TEPSIN: variants seen among roughly 807,000 people sequenced by gnomAD.
TEPSIN encodes TEPSIN adaptor related protein complex 4 accessory protein.
TEPSIN carries 50 observed loss-of-function variants against 48.5 expected under a neutral mutation model. The ratio of observed to expected loss-of-function variants is 1.03; its 90% confidence interval spans 0.82 to 1.31. TEPSIN has a LOEUF of 1.31. TEPSIN is among the 50% of genes most tolerant of loss of function. The pLI, the probability that TEPSIN is intolerant of heterozygous loss-of-function variation, is 0.00. For missense variants in TEPSIN, 838 were observed against 815.9 expected, an observed-to-expected ratio of 1.03 and a Z score of -0.33; for synonymous variants, 392 against 358.8, an observed-to-expected ratio of 1.09 and a Z score of -1.05.
At position 81,233,272 on chromosome 17, in the gene TEPSIN, A is replaced by C; in HGVS notation, c.526+160T>G. The C allele has an allele frequency of 1.2e-6, 1 of 825,392 alleles. No homozygotes were observed. The highest frequency in any genetic ancestry group is 1.8e-6 in the Non-Finnish European group (1 of 541,310). The allele number at this position is 825,392 out of a possible 1,614,324, so 51.1% of individuals were successfully genotyped here. The stretch of plus-strand genomic sequence containing the variant: ...CTGCCCCACCCCCACGTCAGCAGCC[A>C]GAGAGAGACAGTGGGGACAGCCCCA... On this transcript the variant is annotated intron_variant, in intron 7 of 12. Coordinates refer to ENST00000637944, the MANE Select transcript of TEPSIN (RefSeq NM_001363764.2). The surrounding 1 kb of genome is among the most constrained non-coding windows in gnomAD (Gnocchi z 5.8).
In TEPSIN at chr17:81,233,363, C is replaced by G; in HGVS notation, c.526+69G>C. The G allele has an allele frequency of 6.4e-7, 1 of 1,555,860 alleles. No individual in the cohort carries two copies. The highest frequency in any genetic ancestry group is 1.4e-5 in the African/African-American group (1 of 74,044). On this transcript the variant is annotated intron_variant, in intron 7 of 12. Coordinates refer to ENST00000637944, the MANE Select transcript of TEPSIN (RefSeq NM_001363764.2). The surrounding 1 kb of genome is among the most constrained non-coding windows in gnomAD (Gnocchi z 5.8). ...CAGCTACTAGATGGGGCGGCATGGT[C>G]CGGCCCCCACCACCTCCTCATCCCC... is the stretch of plus-strand genomic sequence containing the variant.
At position 81,234,041 on chromosome 17, in the gene TEPSIN, T is replaced by C. The variant is rs1297188828; in HGVS notation, c.315A>G (p.Ala105=). 9 of 1,590,456 alleles carry C rather than the reference T, an allele frequency of 5.7e-6. No homozygotes were observed. In the South Asian group the frequency reaches 1.0e-4, roughly 18 times the overall value. Residue 105 remains alanine, a synonymous_variant, in exon 5 of 13, where the codon GCA becomes GCG. Coordinates refer to ENST00000637944, the MANE Select transcript of TEPSIN (RefSeq NM_001363764.2). This position sits in a 1 kb window ranked among gnomAD's most constrained non-coding sequence, Gnocchi z 5.4. ...TCCCGTGCAGAGGATCTGGGGGCCC[T>C]GCAAAAGCTGCAGAACAGAAAAGGC... ...SAFIQEAAAF[A]GPPDPLHGNS...
At chr17:81,238,915 G>A in intron 1 of TEPSIN, 71 bp downstream of exon 1, 1 of 1,391,412 alleles carries the variant, frequency 7.2e-7, no homozygotes. Flanking sequence ...TCCGGCCCGG[G>A]GCGAGTCCGG....
chr17:81,230,745 G>T lies in TEPSIN; in HGVS notation c.1099-67C>A. The T allele has an allele frequency of 6.9e-7, 1 of 1,454,618 alleles. No individual in the cohort carries two copies. Among genetic ancestry groups the T allele is most frequent in the South Asian group, 1.4e-5 (1 of 69,008 alleles). The allele number at this position is 1,454,618 out of a possible 1,614,324, so 90.1% of individuals were successfully genotyped here. A position where few individuals can be genotyped will look rare whatever the true frequency, so the allele number is the denominator to read the frequency against. On this transcript the variant is annotated intron_variant, in intron 11 of 12. Transcript: ENST00000637944. This position sits in a 1 kb window ranked among gnomAD's most constrained non-coding sequence, Gnocchi z 4.2. Reference sequence around the variant, plus strand: ...AGGTCCACGCCAGGGAGGCCTATTTGGCCATCTCTCTCCCTCTTCTTCCTC... The same window carrying T: ...AGGTCCACGCCAGGGAGGCCTATTTTGCCATCTCTCTCCCTCTTCTTCCTC...
intron 7 of TEPSIN, 140 bp from the exon 8 acceptor site, chr17:81,232,658 G>T: frequency 1.3e-6 from 1 of 749,634 alleles, no homozygotes; most frequent in Non-Finnish European, 2.1e-6. Flanking sequence ...AGGCCTCCTG[G>T]TGGGCCCCAG....
rs113906629 is a variant in TEPSIN, at chr17:81,232,517, G to T, written c.528C>A (p.Gly176=). ...FGYSKEHGRT[G]SAGEAFLSTI... is the part of the protein sequence containing the mutation. ...TGGAGAGGAAGGCTTCGCCTGCCGA[G>T]CCTGTACCCGAGGAGAGGGAGATGG... is the stretch of plus-strand genomic sequence containing the variant. Residue 176 remains glycine (G), a splice_region_variant and synonymous_variant, in exon 8 of 13, where the codon GGC becomes GGA. Coordinates refer to ENST00000637944, the MANE Select transcript of TEPSIN (RefSeq NM_001363764.2). The T allele has an allele frequency of 6.5e-7, 1 of 1,530,552 alleles. No homozygotes were observed. Among genetic ancestry groups the T allele is most frequent in the Middle Eastern group, 2.2e-4 (1 of 4,644 alleles). 94.8% of individuals were successfully genotyped at this position (1,530,552 alleles called of 1,614,324 possible). A position where few individuals can be genotyped will look rare whatever the true frequency, so the allele number is the denominator to read the frequency against.
At chr17:81,236,590 G>T in intron 4 of TEPSIN, 118 bp downstream of exon 4, 1 of 1,057,800 alleles carries the variant, frequency 9.5e-7, no homozygotes, top group Non-Finnish European at 1.4e-6. Context: ...CTTTGATCGG[G>T]ACCCGGCCCA....
At position 81,230,682 on chromosome 17, in the gene TEPSIN, C is replaced by T. The variant is rs759702700; in HGVS notation, c.1099-4G>A. 7.2e-6 allele frequency: 11 copies of T among 1,535,942 alleles called. No individual in the cohort carries two copies. The highest frequency in any genetic ancestry group is 2.4e-5 in the East Asian group (1 of 41,544). On this transcript the variant is annotated splice_polypyrimidine_tract_variant and splice_region_variant and intron_variant, in intron 11 of 12. Coordinates refer to ENST00000637944, the MANE Select transcript of TEPSIN (RefSeq NM_001363764.2). The surrounding 1 kb of genome is among the most constrained non-coding windows in gnomAD (Gnocchi z 4.2). ...AGGCGATGGCACACAGCGCCCTCTG[C>T]GGGTGAAGGGAGGGGACATCAGCAC...
rs1218417185 is a variant in TEPSIN, at chr17:81,230,589, C to A, written c.1188G>T (p.Glu396Asp). The A allele has an allele frequency of 6.2e-7, 1 of 1,611,276 alleles. No homozygotes were observed. Among genetic ancestry groups the A allele is most frequent in the Admixed American group, 1.7e-5 (1 of 59,816 alleles). ...ILLRTRPWLQ[E>D]LSMGSPGPVT... ...CAGGTCCCGGGCTGCCCATGCTGAG[C>A]TCCTGCAGCCACGGCCGGGTGCGGA... Residue 396 changes from glutamate to aspartate, a missense_variant, in exon 12 of 13, where the codon GAG becomes GAT. Coordinates refer to ENST00000637944, the MANE Select transcript of TEPSIN (RefSeq NM_001363764.2). This position sits in a 1 kb window ranked among gnomAD's most constrained non-coding sequence, Gnocchi z 4.2.
At position 81,230,681 on chromosome 17, in the gene TEPSIN, G is replaced by A; in HGVS notation, c.1099-3C>T. The A allele has an allele frequency of 1.9e-6, 3 of 1,538,460 alleles. No homozygotes were observed. Among genetic ancestry groups the A allele is most frequent in the Non-Finnish European group, 2.6e-6 (3 of 1,140,112 alleles). On this transcript the variant is annotated splice_polypyrimidine_tract_variant and splice_region_variant and intron_variant, in intron 11 of 12. Coordinates refer to ENST00000637944, the MANE Select transcript of TEPSIN (RefSeq NM_001363764.2). This position sits in a 1 kb window ranked among gnomAD's most constrained non-coding sequence, Gnocchi z 4.2. Reference sequence around the variant, plus strand: ...GAGGCGATGGCACACAGCGCCCTCTGCGGGTGAAGGGAGGGGACATCAGCA... The same window carrying A: ...GAGGCGATGGCACACAGCGCCCTCTACGGGTGAAGGGAGGGGACATCAGCA...
rs978939176 is a variant in TEPSIN, at chr17:81,234,498, A to G, written c.308-450T>C. ...CTCCCCTGCTCTGAGAGTTCCTGTC[A>G]TGATGAACTGGGGCTTCTTTCCTTA... On this transcript the variant is annotated intron_variant, in intron 4 of 12. Coordinates refer to ENST00000637944, the MANE Select transcript of TEPSIN (RefSeq NM_001363764.2). The surrounding 1 kb of genome is among the most constrained non-coding windows in gnomAD (Gnocchi z 5.4). Among the ~76,000 whole-genome samples, 2 of 152,068 alleles carry G rather than the reference A, an allele frequency of 1.3e-5. No homozygotes were observed. The highest frequency in any genetic ancestry group is 4.8e-5 in the African/African-American group (2 of 41,386).
rs1354793919 is a variant in TEPSIN, at chr17:81,236,740, T to A, written c.275A>T (p.Lys92Ile). The change falls in exon 4 of 13, where the codon AAA becomes ATA. Residue 92 changes from lysine to isoleucine, a missense_variant. Coordinates refer to ENST00000637944, the MANE Select transcript of TEPSIN (RefSeq NM_001363764.2). ...HGSSFFLLIL[K>I]RNSAFIQEAA... is the part of the protein sequence containing the mutation. Reference sequence around the variant, plus strand: ...TTCCTGGATGAAGGCAGAGTTGCGTTTGAGGATGAGCAGGAAGAAGGAGGA... The same window carrying A: ...TTCCTGGATGAAGGCAGAGTTGCGTATGAGGATGAGCAGGAAGAAGGAGGA... 1 of 1,573,002 alleles carries A rather than the reference T, an allele frequency of 6.4e-7. No individual in the cohort carries two copies. Among genetic ancestry groups the A allele is most frequent in the East Asian group, 2.4e-5 (1 of 42,322 alleles).
chr17:81,230,538 GCC>G lies in TEPSIN; in HGVS notation c.1233+4_1233+5del, dbSNP rs1158182230. The G allele has an allele frequency of 6.2e-7, 1 of 1,611,062 alleles. No individual in the cohort carries two copies. Among genetic ancestry groups the G allele is most frequent in the Middle Eastern group, 1.9e-4 (1 of 5,382 alleles). On this transcript the variant is annotated splice_donor_5th_base_variant and intron_variant, in intron 12 of 12. Transcript: ENST00000637944. This position sits in a 1 kb window ranked among gnomAD's most constrained non-coding sequence, Gnocchi z 4.2. ...CGGTGTGCGTGTGGCCTCCGCAGCT[GCC>G]CACCTTGGTGGCCTTGTTGGTCACA...
chr17:81,235,666 C>T (rs1032839052), intron 4 of TEPSIN, among the ~76,000 whole-genome samples: 9 of 152,294 alleles, frequency 5.9e-5, no homozygotes, highest in Admixed American at 2.6e-4. Flanking sequence ...ACCACAGCCA[C>T]GGGAGTGGCC....
In TEPSIN at chr17:81,231,616, G is replaced by C. The variant is rs1441384419; in HGVS notation, c.981C>G (p.Ala327=). ...LVRTVTRGPR[A]FLSREEAQHF... is the part of the protein sequence containing the mutation. ...GCTGTGCCTCCTCGCGGCTCAGGAA[G>C]GCGCGTGGTCCCCGAGTCACAGTCC... Residue 327 remains alanine, a synonymous_variant, in exon 10 of 13, where the codon GCC becomes GCG. Coordinates refer to ENST00000637944, the MANE Select transcript of TEPSIN (RefSeq NM_001363764.2). 3 of 1,613,080 alleles carry C rather than the reference G, an allele frequency of 1.9e-6. No individual in the cohort carries two copies. Among genetic ancestry groups the C allele is most frequent in the African/African-American group, 2.7e-5 (2 of 74,918 alleles).
intron 1 of TEPSIN, chr17:81,237,932 G>A (rs2062754409): frequency 1.4e-5 from 14 of 992,938 alleles, no homozygotes; most frequent in Non-Finnish European, 1.7e-5. Flanking sequence ...CGCTCCCCGA[G>A]AACCGACTGA....
chr17:81,233,481 C>G lies in TEPSIN; in HGVS notation c.477G>C (p.Pro159=), dbSNP rs778856508. ...AGCCGAAACCCTGGAGGGTGCTGTGCGGCCTGGCCTGGGAGCCCATGCCTG... is the reference window on the plus strand; with the variant it reads ...AGCCGAAACCCTGGAGGGTGCTGTGGGGCCTGGCCTGGGAGCCCATGCCTG... ...PATGMGSQAR[P]HSTLQGFGYS... Residue 159 remains proline, a synonymous_variant, in exon 7 of 13, where the codon CCG becomes CCC. Transcript: ENST00000637944. The surrounding 1 kb of genome is among the most constrained non-coding windows in gnomAD (Gnocchi z 5.8). The G allele has an allele frequency of 5.0e-6, 8 of 1,606,722 alleles. No homozygotes were observed. Among genetic ancestry groups the G allele is most frequent in the South Asian group, 3.3e-5 (3 of 90,324 alleles).
Position 81,233,759 on chromosome 17 carries a change from C to T in TEPSIN, c.376-43G>A. On this transcript the variant is annotated intron_variant, in intron 5 of 12. Coordinates refer to ENST00000637944, the MANE Select transcript of TEPSIN (RefSeq NM_001363764.2). The surrounding 1 kb of genome is among the most constrained non-coding windows in gnomAD (Gnocchi z 5.8). ...GGCCCTCAGTGTCCTCACACCAGGGCCTGCTGTACTCACCCTGCCACCCAT... is the reference window on the plus strand; with the variant it reads ...GGCCCTCAGTGTCCTCACACCAGGGTCTGCTGTACTCACCCTGCCACCCAT... 6.5e-7 allele frequency: 1 copy of T among 1,537,864 alleles called. No individual in the cohort carries two copies. Among genetic ancestry groups the T allele is most frequent in the Non-Finnish European group, 8.8e-7 (1 of 1,138,572 alleles).
chr17:81,232,524 C>A lies in TEPSIN; in HGVS notation c.527-6G>T, dbSNP rs1198310130. 1 of 1,528,224 alleles carries A rather than the reference C, an allele frequency of 6.5e-7. No homozygotes were observed. Among genetic ancestry groups the A allele is most frequent in the East Asian group, 2.5e-5 (1 of 40,670 alleles). The allele number at this position is 1,528,224 out of a possible 1,614,324, so 94.7% of individuals were successfully genotyped here. A position where few individuals can be genotyped will look rare whatever the true frequency, so the allele number is the denominator to read the frequency against. On this transcript the variant is annotated splice_region_variant and splice_polypyrimidine_tract_variant and intron_variant, in intron 7 of 12. Coordinates refer to ENST00000637944, the MANE Select transcript of TEPSIN (RefSeq NM_001363764.2). ...GAAGGCTTCGCCTGCCGAGCCTGTA[C>A]CCGAGGAGAGGGAGATGGGACGGCC...
Sources: allele counts gnomAD v4.1 joint callset (sites outside exome capture counted in the v4.1 genomes callset), GRCh38; gene constraint gnomAD v4.1.1; non-coding constraint Gnocchi (gnomAD v3.1); transcripts MANE v1.5; gene names NCBI Gene and HGNC (gene_info 2026-07-23, HGNC 2026-07-21).